Variants in ADARB1 observed in about 807,000 individuals in gnomAD.
ADARB1 encodes double-stranded RNA-specific editase 1.
In ADARB1, 10 loss-of-function variants were observed where a neutral mutation model predicts 52.4. The ratio of observed to expected loss-of-function variants is 0.19; its 90% CI spans 0.12 to 0.32. The LOEUF (loss-of-function observed/expected upper bound fraction) is 0.32, where lower values mean the gene tolerates loss of function less well. Among genes scored for constraint, ADARB1 ranks in the 10% least tolerant of loss-of-function variants. The pLI, the probability that ADARB1 is intolerant of heterozygous loss-of-function variation, is 1.00. For synonymous variants in ADARB1, 349 were observed against 371.1 expected (o/e 0.94, Z 0.68); for missense variants, 643 against 922.3 (o/e 0.70, Z 3.92).
At chr21:45,097,916 C>T (rs571091105) in intron 1 of ADARB1, among the ~76,000 whole-genome samples, 1 of 152,312 alleles carries the variant, frequency 6.6e-6, no homozygotes, top group South Asian at 2.1e-4. Context: ...TGATGTCACA[C>T]AGGTGTCACA....
rs768820156 is a variant in ADARB1 at position 45,175,714 on chromosome 21, T to C, written c.29-16T>C. On this transcript the variant is annotated splice_polypyrimidine_tract_variant and intron_variant, in intron 3 of 10. Transcript: ENST00000348831. ...GCAACGAAGGCATTGTAAGTTACTC[T>C]TTCTGGGCACCACAGGTTCCAGCAG... 6.2e-7 allele frequency: 1 copy of C among 1,612,638 alleles called. No individual in the cohort carries two copies. Among genetic ancestry groups the C allele is most frequent in the Non-Finnish European group, 8.5e-7 (1 of 1,179,490 alleles).
chr21:45,126,360 C>G (rs191261826), intron 1 of ADARB1, among the ~76,000 whole-genome samples: 1 of 152,302 alleles, frequency 6.6e-6, no homozygotes, highest in East Asian at 1.9e-4. Flanking sequence ...TCTTCCATCT[C>G]TCCACTGTTT....
At chr21:45,138,757 A>G (rs376824699) in intron 2 of ADARB1, among the ~76,000 whole-genome samples, 17 of 152,228 alleles carry the variant, frequency 1.1e-4, no homozygotes, top group African/African-American at 4.1e-4. Context: ...GCCTGAAACC[A>G]CGCCCCCTGC....
At chr21:45,102,004 C>T (rs2123735625) in intron 1 of ADARB1, among the ~76,000 whole-genome samples, 1 of 152,332 alleles carries the variant, frequency 6.6e-6, no homozygotes, top group South Asian at 2.1e-4. Flanking sequence ...CCCACCTCAG[C>T]CTCCTGAGTA....
Position 45,140,894 on chromosome 21 carries a change from A to G in ADARB1, c.-48+12321A>G, listed in dbSNP as rs548010831. ...ATGAGAAGTTTTGTACATCTTTTGC[A>G]ATTCTAAAAATTGTGGCCAGGTGTG... On this transcript the variant is annotated intron_variant, in intron 2 of 10. Coordinates refer to ENST00000348831, the MANE Select transcript of ADARB1 (RefSeq NM_001112.4). 3.0e-4 allele frequency among the ~76,000 whole-genome samples: 45 copies of G among 152,322 alleles called. No homozygotes were observed. The South Asian group carries it at 9.3e-3, about 32-fold the overall frequency.
intron 2 of ADARB1, among the ~76,000 whole-genome samples, chr21:45,167,493 TGTAATCC>T (rs2091299560): frequency 6.6e-6 from 1 of 152,214 alleles, no homozygotes; most frequent in South Asian, 2.1e-4. Flanking sequence ...GACTCATGCC[TGTAATCC>T]CAGCACTTTG....
chr21:45,074,863 T>C (rs2085849261), intron 1 of ADARB1, 70 bp downstream of exon 1: 1 of 149,178 alleles, frequency 6.7e-6, no homozygotes, highest in Non-Finnish European at 1.5e-5. Flanking sequence ...GCGGCGTTTA[T>C]GTAAGCGCCG....
intron 9 of ADARB1, among the ~76,000 whole-genome samples, chr21:45,219,066 C>T (rs146095888): frequency 1.1e-4 from 16 of 152,096 alleles, no homozygotes; most frequent in Non-Finnish European, 1.9e-4. Flanking sequence ...AAGATGAGAT[C>T]GTTTAAACAC....
chr21:45,196,486 G>GA (rs1409494378), intron 8 of ADARB1, among the ~76,000 whole-genome samples: 10 of 152,116 alleles, frequency 6.6e-5, no homozygotes, highest in African/African-American at 2.2e-4. Context: ...TCCATAAAAG[G>GA]AAAAAAACTG....
chr21:45,086,656 T>C (rs774176047), intron 1 of ADARB1, among the ~76,000 whole-genome samples: 15 of 152,236 alleles, frequency 9.9e-5, no homozygotes, highest in Non-Finnish European at 2.2e-4. Context: ...GTAGAACATA[T>C]CAGTAATTTG....
rs1293859027 is a variant in ADARB1, at chr21:45,155,805, C to T, written c.-47-15805C>T. 7.9e-5 allele frequency among the ~76,000 whole-genome samples: 9 copies of T among 114,420 alleles called. No individual in the cohort carries two copies. In the Admixed American group the frequency reaches 8.2e-4, roughly 10 times the overall value. The allele number at this position is 114,420 out of a possible 152,430, so 75.1% of individuals were successfully genotyped here. A position where few individuals can be genotyped will look rare whatever the true frequency, so the allele number is the denominator to read the frequency against. On this transcript the variant is annotated intron_variant, in intron 2 of 10. Coordinates refer to ENST00000348831, the MANE Select transcript of ADARB1 (RefSeq NM_001112.4). ...CACCCACCCACCCACCCATCATCACCCATTACCCATTATCCATCATCCATC... is the reference window on the plus strand; with the variant it reads ...CACCCACCCACCCACCCATCATCACTCATTACCCATTATCCATCATCCATC...
intron 8 of ADARB1, among the ~76,000 whole-genome samples, chr21:45,202,933 G>A (rs1445035922): frequency 2.0e-5 from 3 of 147,516 alleles, no homozygotes; most frequent in South Asian, 4.4e-4. Context: ...ACCCTGCAGC[G>A]CGTGCCACAC....
At position 45,142,366 on chromosome 21, in the gene ADARB1, A is replaced by C. The variant is rs908208062; in HGVS notation, c.-48+13793A>C. On this transcript the variant is annotated intron_variant, in intron 2 of 10. Coordinates refer to ENST00000348831, the MANE Select transcript of ADARB1 (RefSeq NM_001112.4). The surrounding 1 kb of genome is among the most constrained non-coding windows in gnomAD (Gnocchi z 4.0). ...AGCTTAATTGAATTCATTTGTTTGAAGAAGTAGAGGAATGTTGCAAGTAGA... is the reference window on the plus strand; with the variant it reads ...AGCTTAATTGAATTCATTTGTTTGACGAAGTAGAGGAATGTTGCAAGTAGA... Among the ~76,000 whole-genome samples, 1 of 152,258 alleles carries C rather than the reference A, an allele frequency of 6.6e-6. No homozygotes were observed. The highest frequency in any genetic ancestry group is 1.5e-5 in the Non-Finnish European group (1 of 68,044).
rs557660013 is a variant in ADARB1 at position 45,222,306 on chromosome 21, G to A, written c.*109G>A. 2.4e-5 allele frequency: 34 copies of A among 1,397,650 alleles called. No homozygotes were observed. The African/African-American group carries it at 4.6e-4, about 19-fold the overall frequency. The allele number at this position is 1,397,650 out of a possible 1,614,324, so 86.6% of individuals were successfully genotyped here. A position where few individuals can be genotyped will look rare whatever the true frequency, so the allele number is the denominator to read the frequency against. On this transcript the variant is annotated 3_prime_UTR_variant, in exon 11 of 11. Coordinates refer to ENST00000348831, the MANE Select transcript of ADARB1 (RefSeq NM_001112.4). ...GTGCATACCTTGGGGAGGGAGTAGG[G>A]GGACACGGGGGACCACCAGGTGTCC...
chr21:45,158,843 G>A (rs149418912), intron 2 of ADARB1, among the ~76,000 whole-genome samples: 1 of 152,266 alleles, frequency 6.6e-6, no homozygotes, highest in African/African-American at 2.4e-5. Flanking sequence ...TTCGGTTGAC[G>A]GTGGTTGCAG....
intron 1 of ADARB1, chr21:45,121,089 C>T (rs1235211440): frequency 6.6e-6 from 1 of 152,172 alleles, no homozygotes; most frequent in Non-Finnish European, 1.5e-5. Flanking sequence ...CTGGCACATT[C>T]TTGACAGATT....
At chr21:45,214,546 A>G (rs565440680) in intron 9 of ADARB1, among the ~76,000 whole-genome samples, 4 of 152,180 alleles carry the variant, frequency 2.6e-5, no homozygotes, top group Non-Finnish European at 5.9e-5. Context: ...ACTTGAGTTC[A>G]TGTTTGTGTA....
intron 1 of ADARB1, among the ~76,000 whole-genome samples, chr21:45,085,464 C>T (rs910296565): frequency 2.0e-5 from 3 of 152,166 alleles, no homozygotes; most frequent in Admixed American, 6.5e-5. Context: ...ACTTCAGCGC[C>T]GTGGCTGCAG....
chr21:45,103,582 A>G lies in ADARB1; in HGVS notation c.-219-24820A>G, dbSNP rs968902340. On this transcript the variant is annotated intron_variant, in intron 1 of 10. Transcript: ENST00000348831. ...TTCACAATAGGGTTCCAGTCCTGTG[A>G]GAATCTAATGCTGCCACTGATCTGA... Among the ~76,000 whole-genome samples, 4 of 152,104 alleles carry G rather than the reference A, an allele frequency of 2.6e-5. No individual in the cohort carries two copies. The East Asian group carries it at 7.7e-4, about 29-fold the overall frequency.
Sources: allele counts gnomAD v4.1 joint callset (sites outside exome capture counted in the v4.1 genomes callset), GRCh38; gene constraint gnomAD v4.1.1; non-coding constraint Gnocchi (gnomAD v3.1); transcripts MANE v1.5; gene names NCBI Gene and HGNC (gene_info 2026-07-23, HGNC 2026-07-21).